The following MRTFA variants were observed in gnomAD, a reference collection of about 807,000 sequenced individuals.
The protein encoded by MRTFA is myocardin related transcription factor A.
A neutral mutation model predicts 83.5 loss-of-function variants in MRTFA; 20 were observed. The ratio of observed to expected loss-of-function variants is 0.24; its 90% CI spans 0.17 to 0.35. The LOEUF (loss-of-function observed/expected upper bound fraction) is 0.35, where lower values mean the gene tolerates loss of function less well. Among genes scored for constraint, MRTFA ranks in the 10% least tolerant of loss-of-function variants. The pLI is 1.00. For synonymous variants in MRTFA, 659 were observed against 541.2 expected (o/e 1.22, Z -3.02); for missense variants, 1,200 against 1,224.7 (o/e 0.98, Z 0.30).
intron 3 of MRTFA, among the ~76,000 whole-genome samples, chr22:40,500,797 C>A (rs1483622513): frequency 6.6e-6 from 1 of 151,534 alleles, no homozygotes; most frequent in African/African-American, 2.4e-5. Context: ...CTACTTCTTT[C>A]TACACAGACA....
At position 40,434,303 on chromosome 22, in the gene MRTFA, G is replaced by A. The variant is rs532229146; in HGVS notation, c.363+1196C>T. Among the ~76,000 whole-genome samples, 5 of 151,520 alleles carry A rather than the reference G, an allele frequency of 3.3e-5. 1 individual carries two copies. The highest frequency in any genetic ancestry group is 3.3e-4 in the Admixed American group (5 of 15,156). ...TGCTTGTTACTCCTTTGGTTCCCAG[G>A]ACCCATGACCTCATTCTTTCCACTT... On this transcript the variant is annotated intron_variant, in intron 5 of 14. Transcript: ENST00000355630.
intron 3 of MRTFA, among the ~76,000 whole-genome samples, chr22:40,538,377 G>C (rs1055492186): frequency 5.4e-5 from 8 of 148,032 alleles, no homozygotes; most frequent in Admixed American, 1.4e-4. Flanking sequence ...CAGCATGCTC[G>C]TTAAGAGTCA....
intron 1 of MRTFA, among the ~76,000 whole-genome samples, chr22:40,627,656 T>C (rs1241410101): frequency 1.3e-5 from 2 of 152,146 alleles, no homozygotes; most frequent in Non-Finnish European, 2.9e-5. Context: ...ATATACATCA[T>C]GGTAGGAAGC....
chr22:40,413,134 T>A (rs1358784948), intron 14 of MRTFA, among the ~76,000 whole-genome samples: 1 of 83,748 alleles, frequency 1.2e-5, no homozygotes, highest in Non-Finnish European at 2.2e-5. Context: ...TGACACCCTG[T>A]CTCAAAAAAA....
At chr22:40,552,847 T>C (rs2055463634) in intron 2 of MRTFA, among the ~76,000 whole-genome samples, 1 of 152,196 alleles carries the variant, frequency 6.6e-6, no homozygotes, top group African/African-American at 2.4e-5. Flanking sequence ...TGAAAATGGG[T>C]AACAGGCAGA....
chr22:40,411,647 T>A lies in MRTFA; in HGVS notation c.2839A>T (p.Met947Leu), dbSNP rs1315426498. Reference sequence around the variant, plus strand: ...TCCAGGATGGCAGTGCTGCTCAGCATCTGGCTATGGAGGTCGTCAATGAGG... The same window carrying A: ...TCCAGGATGGCAGTGCTGCTCAGCAACTGGCTATGGAGGTCGTCAATGAGG... Residue 947 changes from methionine to leucine, a missense_variant, in exon 15 of 15, where the codon ATG becomes TTG. Physicochemically the swap from Met to Leu is conservative, Grantham distance 15. Around this residue, in one of 2 missense-constraint regions of MRTFA, gnomAD observed 1,107 missense variants for 1,041.8 expected, o/e 1.06. Transcript: ENST00000355630. 3 of 1,613,198 alleles carry A rather than the reference T, an allele frequency of 1.9e-6. No individual in the cohort carries two copies. The South Asian group carries it at 3.3e-5, about 18-fold the overall frequency.
At chr22:40,521,779 T>C (rs1404177005) in intron 3 of MRTFA, 1 of 152,014 alleles carries the variant, frequency 6.6e-6, no homozygotes, top group Admixed American at 6.6e-5. Flanking sequence ...ATTACAGGCA[T>C]GAGCCACCAC....
intron 9 of MRTFA, 147 bp downstream of exon 9, chr22:40,423,389 G>A (rs1158554388): frequency 2.8e-6 from 2 of 701,898 alleles, no homozygotes; most frequent in Non-Finnish European, 4.2e-6. Flanking sequence ...ATGATGGACA[G>A]CAGACAGAAC....
intron 7 of MRTFA, among the ~76,000 whole-genome samples, chr22:40,425,501 TCCAGGG>T (rs1302077101): frequency 6.6e-6 from 1 of 152,228 alleles, no homozygotes; most frequent in African/African-American, 2.4e-5. Context: ...GCTCTTGCCC[TCCAGGG>T]CCAGGGCCAG....
At chr22:40,425,946 GGAGTTTATGGTCCAGTT>G (rs936710877) in intron 7 of MRTFA, among the ~76,000 whole-genome samples, 2 of 152,198 alleles carry the variant, frequency 1.3e-5, no homozygotes, top group African/African-American at 4.8e-5. Flanking sequence ...CTGCCCTCCA[GGAGTTTATGGTCCAGTT>G]GCCTTGGAGC....
At chr22:40,441,013 C>T (rs2053265055) in intron 4 of MRTFA, among the ~76,000 whole-genome samples, 1 of 152,190 alleles carries the variant, frequency 6.6e-6, no homozygotes, top group South Asian at 2.1e-4. Flanking sequence ...CAGCATATTA[C>T]TCAAAACTGC....
At chr22:40,471,236 A>C (rs1184790019) in intron 3 of MRTFA, among the ~76,000 whole-genome samples, 6 of 146,872 alleles carry the variant, frequency 4.1e-5, no homozygotes, top group Admixed American at 1.4e-4. Flanking sequence ...AAAAAAAAAA[A>C]AAAAAAAAAA....
chr22:40,449,659 C>T (rs2053451123), intron 4 of MRTFA, among the ~76,000 whole-genome samples: 1 of 152,158 alleles, frequency 6.6e-6, no homozygotes, highest in Admixed American at 6.5e-5. Flanking sequence ...TTCTCTAATA[C>T]CAGGTGCTGA....
intron 3 of MRTFA, among the ~76,000 whole-genome samples, chr22:40,487,303 T>A (rs1390576945): frequency 6.6e-6 from 1 of 152,216 alleles, no homozygotes; most frequent in Non-Finnish European, 1.5e-5. Flanking sequence ...ACATAGGAAC[T>A]GAGAAGGAAA....
At chr22:40,447,480 A>T (rs1323525264) in intron 4 of MRTFA, among the ~76,000 whole-genome samples, 1 of 152,122 alleles carries the variant, frequency 6.6e-6, no homozygotes, top group Non-Finnish European at 1.5e-5. Context: ...TCTCAGTGGG[A>T]TCCTGCCTGC....
chr22:40,421,518 A>T (rs1020458668), intron 9 of MRTFA, among the ~76,000 whole-genome samples: 1 of 152,162 alleles, frequency 6.6e-6, no homozygotes, highest in Admixed American at 6.5e-5. Flanking sequence ...GCTGGGGGGA[A>T]TTCTGCCAGG....
At chr22:40,413,139 A>C (rs1461572448) in intron 14 of MRTFA, among the ~76,000 whole-genome samples, 1 of 109,112 alleles carries the variant, frequency 9.2e-6, no homozygotes, top group Non-Finnish European at 2.0e-5. Flanking sequence ...CCCTGTCTCA[A>C]AAAAAAAAAA....
rs118001700 is a variant in MRTFA, at chr22:40,515,990, A to T, written c.241+36116T>A. On this transcript the variant is annotated intron_variant, in intron 3 of 14. Transcript: ENST00000355630. Reference sequence around the variant, plus strand: ...ATCCAAACTACCTACCTTAGTTGGGATTAAACATATATTTAGTAACATTGA... The same window carrying T: ...ATCCAAACTACCTACCTTAGTTGGGTTTAAACATATATTTAGTAACATTGA... Among the ~76,000 whole-genome samples, 16 of 152,352 alleles carry T rather than the reference A, an allele frequency of 1.1e-4. No individual in the cohort carries two copies. In the East Asian group the frequency reaches 3.1e-3, roughly 29 times the overall value.
At chr22:40,463,311 G>A (rs752120024) in intron 3 of MRTFA, 25 bp from the exon 4 acceptor site, 19 of 1,602,350 alleles carry the variant, frequency 1.2e-5, no homozygotes, top group Non-Finnish European at 1.5e-5. Context: ...AGAGAGAGGA[G>A]AGATGAGGGG....
Sources: gnomAD v4.1 joint callset for allele counts (sites outside exome capture counted in the v4.1 genomes callset) on GRCh38, gnomAD v4.1.1 for gene constraint, gnomAD v4.1.1 regional missense constraint, MANE v1.5 for transcripts, NCBI Gene and HGNC (gene_info 2026-07-23, HGNC 2026-07-21) for gene names.